Variants in SPATA17 observed in about 807,000 individuals in gnomAD.
SPATA17 encodes the protein spermatogenesis-associated protein 17.
A neutral mutation model predicts 62.2 loss-of-function variants in SPATA17; 53 were observed. The ratio of observed to expected loss-of-function variants is 0.85; its 90% CI spans 0.68 to 1.07. SPATA17 has a LOEUF of 1.07. Ranked by LOEUF, SPATA17 falls within the 50% of genes least tolerant of loss-of-function variation. The pLI is 0.00. For missense variants in SPATA17, 466 were observed against 425.5 expected, an observed-to-expected ratio of 1.10 and a Z score of -0.84; for synonymous variants, 146 against 146.8, an observed-to-expected ratio of 0.99 and a Z score of 0.04.
intron 4 of SPATA17, among the ~76,000 whole-genome samples, chr1:217,672,280 C>T (rs1277453256): frequency 6.6e-6 from 1 of 152,012 alleles, no homozygotes; most frequent in East Asian, 1.9e-4. Context: ...TAACTTAGTT[C>T]AAAACTAGAA....
At chr1:217,704,796 G>A (rs1399483787) in intron 5 of SPATA17, among the ~76,000 whole-genome samples, 1 of 151,968 alleles carries the variant, frequency 6.6e-6, no homozygotes, top group Non-Finnish European at 1.5e-5. Flanking sequence ...TCTTTATCCA[G>A]TATACCACTG....
At chr1:217,811,089 A>C (rs941406200) in intron 9 of SPATA17, among the ~76,000 whole-genome samples, 3 of 152,114 alleles carry the variant, frequency 2.0e-5, no homozygotes, top group Non-Finnish European at 4.4e-5. Context: ...GCTGGAGTGC[A>C]GTGGTGCAAT....
chr1:217,763,740 G>A (rs1371685813), intron 6 of SPATA17, among the ~76,000 whole-genome samples: 1 of 152,162 alleles, frequency 6.6e-6, no homozygotes, highest in African/African-American at 2.4e-5. Context: ...CCATGGATAT[G>A]AATAGAAGCC....
intron 5 of SPATA17, among the ~76,000 whole-genome samples, chr1:217,696,369 C>T (rs1671460528): frequency 6.6e-6 from 1 of 152,154 alleles, no homozygotes; most frequent in African/African-American, 2.4e-5. Flanking sequence ...AGTGCGCGCA[C>T]CCACTGGCCT....
At chr1:217,851,146 T>G (rs1233991174) in intron 9 of SPATA17, among the ~76,000 whole-genome samples, 4 of 152,150 alleles carry the variant, frequency 2.6e-5, no homozygotes, top group African/African-American at 9.7e-5. Context: ...TTCTTCAGTG[T>G]GGTGTGTCAG....
intron 5 of SPATA17, among the ~76,000 whole-genome samples, chr1:217,739,862 T>G (rs1366184680): frequency 2.0e-5 from 3 of 152,150 alleles, no homozygotes; most frequent in African/African-American, 7.2e-5. Flanking sequence ...AGAATTGACT[T>G]TTTTCAATAA....
At chr1:217,810,602 A>C (rs915504445) in intron 9 of SPATA17, among the ~76,000 whole-genome samples, 4 of 151,932 alleles carry the variant, frequency 2.6e-5, no homozygotes, top group Admixed American at 6.6e-5. Context: ...TGGGTGACAG[A>C]GTGAGACTCT....
At chr1:217,742,296 C>T (rs1672641808) in intron 6 of SPATA17, among the ~76,000 whole-genome samples, 198 bp downstream of exon 6, 1 of 152,162 alleles carries the variant, frequency 6.6e-6, no homozygotes, top group Non-Finnish European at 1.5e-5. Context: ...TAGAGGCAGC[C>T]GCTGCGATGC....
At chr1:217,821,351 G>A (rs1007051042) in intron 9 of SPATA17, among the ~76,000 whole-genome samples, 1 of 152,044 alleles carries the variant, frequency 6.6e-6, no homozygotes, top group African/African-American at 2.4e-5. Flanking sequence ...CTGTAAAGGA[G>A]GCAGGTAAAT....
At position 217,871,151 on chromosome 1, in the gene SPATA17, C is replaced by T. The variant is rs1248438011; in HGVS notation, c.*4132C>T. The T allele has an allele frequency of 6.6e-6, 1 of 151,928 alleles. No individual in the cohort carries two copies. The highest frequency in any genetic ancestry group is 1.5e-5 in the Non-Finnish European group (1 of 67,980). 9.4% of individuals were successfully genotyped at this position (151,928 alleles called of 1,614,324 possible). A position where few individuals can be genotyped will look rare whatever the true frequency, so the allele number is the denominator to read the frequency against. ...ATGATTGCTGCTTGCGTAAAGTGTT[C>T]CTTTTGGGAAATAAATAATCTTTCA... On this transcript the variant is annotated 3_prime_UTR_variant, in exon 11 of 11. Coordinates refer to ENST00000366933, the MANE Select transcript of SPATA17 (RefSeq NM_138796.4).
intron 10 of SPATA17, among the ~76,000 whole-genome samples, chr1:217,864,626 A>T (rs75287865): frequency 0.061 from 9,255 of 152,008 alleles, 328 homozygotes; most frequent in African/African-American, 0.088. Context: ...AATGGTGGTT[A>T]TCTCTGGGTG....
intron 9 of SPATA17, among the ~76,000 whole-genome samples, chr1:217,814,431 T>C (rs1032655835): frequency 1.7e-4 from 26 of 152,158 alleles, no homozygotes; most frequent in African/African-American, 6.0e-4. Context: ...CTGTACACTG[T>C]GGTGGAGGAC....
At position 217,717,298 on chromosome 1, in the gene SPATA17, G is replaced by C. The variant is rs75597829; in HGVS notation, c.396-24677G>C. ...AATGGGAATTTGGTTATTGGAGATA[G>C]TTTGGTGCTAGATTGGAAAACACTA... On this transcript the variant is annotated intron_variant, in intron 5 of 10. Coordinates refer to ENST00000366933, the MANE Select transcript of SPATA17 (RefSeq NM_138796.4). Among the ~76,000 whole-genome samples the C allele has an allele frequency of 9.2e-5, 14 of 152,258 alleles. No individual in the cohort carries two copies. In the East Asian group the frequency reaches 2.5e-3, roughly 27 times the overall value.
intron 5 of SPATA17, among the ~76,000 whole-genome samples, chr1:217,700,943 A>G (rs961185133): frequency 6.6e-6 from 1 of 150,678 alleles, no homozygotes; most frequent in Non-Finnish European, 1.5e-5. Flanking sequence ...ATTCTTTTTC[A>G]ATTATATCTT....
intron 6 of SPATA17, among the ~76,000 whole-genome samples, chr1:217,766,862 T>C (rs1246383024): frequency 6.6e-6 from 1 of 152,160 alleles, no homozygotes; most frequent in African/African-American, 2.4e-5. Flanking sequence ...GTGAGCATAG[T>C]ATCTCATAAG....
In SPATA17 at chr1:217,860,324, G is replaced by A. The variant is rs538387900; in HGVS notation, c.1006-2450G>A. ...GTTGTGTTTTATGGCCCAAGATGTG[G>A]TCTATCTTGGTGAATGTTCAGTGTG... On this transcript the variant is annotated intron_variant, in intron 9 of 10. Transcript: ENST00000366933. Among the ~76,000 whole-genome samples the A allele has an allele frequency of 8.5e-5, 13 of 152,212 alleles. No homozygotes were observed. The South Asian group carries it at 2.7e-3, about 32-fold the overall frequency.
At chr1:217,859,220 A>T (rs1482769094) in intron 9 of SPATA17, among the ~76,000 whole-genome samples, 1 of 146,568 alleles carries the variant, frequency 6.8e-6, no homozygotes, top group Non-Finnish European at 1.5e-5. Flanking sequence ...TATACATAAT[A>T]TATAATATAT....
chr1:217,803,434 A>G (rs557943824), intron 9 of SPATA17, among the ~76,000 whole-genome samples: 2 of 152,344 alleles, frequency 1.3e-5, no homozygotes, highest in Admixed American at 6.5e-5. Flanking sequence ...AAATTAACAT[A>G]CAAATATTAG....
chr1:217,803,345 T>G (rs1390166504), intron 9 of SPATA17, among the ~76,000 whole-genome samples: 1 of 152,152 alleles, frequency 6.6e-6, no homozygotes, highest in Non-Finnish European at 1.5e-5. Flanking sequence ...TGACATGATC[T>G]TAAATATTAA....
Sources: allele counts gnomAD v4.1 joint callset (sites outside exome capture counted in the v4.1 genomes callset), GRCh38; gene constraint gnomAD v4.1.1; transcripts MANE v1.5; gene names NCBI Gene and HGNC (gene_info 2026-07-23, HGNC 2026-07-21).